DNAH3: variants seen among roughly 807,000 people sequenced by gnomAD.
DNAH3 encodes the protein dynein axonemal heavy chain 3, also known as axonemal beta dynein heavy chain 3.
In DNAH3, 332 loss-of-function variants were observed where a neutral mutation model predicts 432.5. That is an observed-to-expected ratio of 0.77 (90% CI 0.70 to 0.84). The LOEUF is 0.84. Ranked by LOEUF, DNAH3 falls within the 40% of genes least tolerant of loss-of-function variation. The probability of loss-of-function intolerance (pLI) is 0.00; values close to 1 mark genes in which losing one functional copy is unlikely to be tolerated. For synonymous variants in DNAH3, 1,956 were observed against 1,900.2 expected, an observed-to-expected ratio of 1.03 and a Z score of -0.76; for missense variants, 4,861 against 5,114.0, an observed-to-expected ratio of 0.95 and a Z score of 1.51.
intron 57 of DNAH3, 75 bp downstream of exon 57, chr16:20,948,408 C>T: frequency 6.7e-7 from 1 of 1,485,764 alleles, no homozygotes; most frequent in Non-Finnish European, 9.2e-7. Flanking sequence ...CCTGGCTACA[C>T]TGCAGCCCTG....
At chr16:21,009,208 A>T (rs2087463393) in intron 41 of DNAH3, among the ~76,000 whole-genome samples, 1 of 152,254 alleles carries the variant, frequency 6.6e-6, no homozygotes. Context: ...TAGCTCTTAT[A>T]AGATGGATGG....
intron 44 of DNAH3, among the ~76,000 whole-genome samples, chr16:20,989,268 G>A (rs932811190): frequency 6.6e-6 from 1 of 151,832 alleles, no homozygotes; most frequent in Non-Finnish European, 1.5e-5. Context: ...GTCCCCATCA[G>A]ATTAGTTAGA....
chr16:21,092,265 C>T (rs2091556795), intron 18 of DNAH3, among the ~76,000 whole-genome samples: 2 of 152,060 alleles, frequency 1.3e-5, no homozygotes, highest in South Asian at 4.1e-4. Flanking sequence ...AAAAGAAAGT[C>T]ACATAGATCA....
intron 28 of DNAH3, among the ~76,000 whole-genome samples, chr16:21,054,084 C>T (rs113533195): frequency 1.4e-4 from 22 of 152,252 alleles, no homozygotes; most frequent in African/African-American, 5.1e-4. Context: ...AATCACTTAG[C>T]ACAAAGCCTG....
chr16:21,059,775 C>CAA (rs1180684922), intron 26 of DNAH3, among the ~76,000 whole-genome samples: 38 of 95,442 alleles, frequency 4.0e-4, no homozygotes, highest in African/African-American at 1.2e-3. Flanking sequence ...GACTCCATCT[C>CAA]AAAAAAAAAA....
At position 21,058,777 on chromosome 16, in the gene DNAH3, A is replaced by T. The variant is rs888262910; in HGVS notation, c.3814-581T>A. Reference sequence around the variant, plus strand: ...CTGCATGTTCTCACTCATAAGTGGGAGTTGAACAATGAGAACACATGGACA... The same window carrying T: ...CTGCATGTTCTCACTCATAAGTGGGTGTTGAACAATGAGAACACATGGACA... On this transcript the variant is annotated intron_variant, in intron 26 of 61. Transcript: ENST00000261383. Among the ~76,000 whole-genome samples the T allele has an allele frequency of 4.6e-5, 7 of 152,260 alleles. No individual in the cohort carries two copies. In the East Asian group the frequency reaches 1.3e-3, roughly 29 times the overall value.
intron 48 of DNAH3, among the ~76,000 whole-genome samples, chr16:20,984,832 T>C (rs2086109502): frequency 6.6e-6 from 1 of 151,902 alleles, no homozygotes; most frequent in Admixed American, 6.6e-5. Context: ...ACCACTGCAC[T>C]CCAGCCTGGG....
At chr16:21,118,009 A>G (rs2092247892) in intron 11 of DNAH3, among the ~76,000 whole-genome samples, 1 of 151,844 alleles carries the variant, frequency 6.6e-6, no homozygotes, top group African/African-American at 2.4e-5. Context: ...TGTTTTTTTG[A>G]GACAGTCTCA....
At chr16:20,988,613 G>C (rs1356830539) in intron 44 of DNAH3, among the ~76,000 whole-genome samples, 1 of 152,136 alleles carries the variant, frequency 6.6e-6, no homozygotes, top group African/African-American at 2.4e-5. Flanking sequence ...CCTCAAGAAT[G>C]TTTTTAAAAG....
intron 51 of DNAH3, among the ~76,000 whole-genome samples, chr16:20,971,037 T>C (rs2085319938): frequency 6.6e-6 from 1 of 151,814 alleles, no homozygotes; most frequent in Non-Finnish European, 1.5e-5. Context: ...CTGACTAATT[T>C]TTGTATTTTT....
intron 50 of DNAH3, among the ~76,000 whole-genome samples, chr16:20,978,853 T>C (rs1301916824): frequency 6.6e-6 from 1 of 151,978 alleles, no homozygotes; most frequent in Non-Finnish European, 1.5e-5. Context: ...CCTTCACCTT[T>C]TTATAGAAGA....
chr16:21,071,558 G>T (rs190301237), intron 21 of DNAH3, among the ~76,000 whole-genome samples: 37 of 152,040 alleles, frequency 2.4e-4, no homozygotes, highest in Non-Finnish European at 5.0e-4. Flanking sequence ...GTCTTGCAGG[G>T]AATAGGACTT....
exon 62 of DNAH3, chr16:20,933,285 C>T: frequency 6.2e-7 from 1 of 1,614,174 alleles, no homozygotes; most frequent in Non-Finnish European, 8.5e-7. Flanking sequence ...CCTCTGCGGG[C>T]ACTTGTTTTG....
At chr16:20,971,298 A>G (rs1036798852) in intron 51 of DNAH3, among the ~76,000 whole-genome samples, 1 of 151,400 alleles carries the variant, frequency 6.6e-6, no homozygotes, top group African/African-American at 2.4e-5. Context: ...TCAAACAGAA[A>G]CTCCTAATAT....
chr16:20,988,800 G>A (rs990841032), intron 44 of DNAH3, among the ~76,000 whole-genome samples: 6 of 151,988 alleles, frequency 3.9e-5, no homozygotes, highest in Non-Finnish European at 7.4e-5. Context: ...GCGTCTGGAG[G>A]TTGTTCCTTC....
chr16:21,124,933 G>A (rs1027313667), intron 9 of DNAH3, among the ~76,000 whole-genome samples: 7 of 151,882 alleles, frequency 4.6e-5, no homozygotes, highest in Non-Finnish European at 8.8e-5. Flanking sequence ...TACAGACGTG[G>A]CCTGTAATGC....
In DNAH3 at chr16:20,982,771, C is replaced by G. The variant is rs767191047; in HGVS notation, c.7809G>C (p.Val2603=). Residue 2603 remains valine, a synonymous_variant, in exon 49 of 62, where the codon GTG becomes GTC. Coordinates refer to ENST00000261383, the Ensembl canonical transcript of DNAH3. ...CCACATCCTCTAGAAATTTGTTAGC[C>G]ACCAACTCTAGGGCATCTGTGGGCC... 3.7e-6 allele frequency: 6 copies of G among 1,614,114 alleles called. No homozygotes were observed. In the South Asian group the frequency reaches 6.6e-5, roughly 18 times the overall value.
intron 58 of DNAH3, among the ~76,000 whole-genome samples, chr16:20,943,423 T>C (rs1004249967): frequency 2.0e-5 from 3 of 151,958 alleles, no homozygotes; most frequent in African/African-American, 7.3e-5. Context: ...GCGGTCTCCT[T>C]ATGTTGCCCA....
chr16:21,152,152 T>C (rs1307836746), intron 1 of DNAH3, among the ~76,000 whole-genome samples: 2 of 152,040 alleles, frequency 1.3e-5, no homozygotes, highest in Non-Finnish European at 2.9e-5. Flanking sequence ...GAGAATCGCT[T>C]GAACCTGGGA....
Sources: gnomAD v4.1 joint callset for allele counts (sites outside exome capture counted in the v4.1 genomes callset) on GRCh38, gnomAD v4.1.1 for gene constraint, MANE v1.5 for transcripts, NCBI Gene and HGNC (gene_info 2026-07-23, HGNC 2026-07-21) for gene names.